The following HNRNPL variants were observed in gnomAD, a reference collection of about 807,000 sequenced individuals.
HNRNPL encodes heterogeneous nuclear ribonucleoprotein L.
In HNRNPL, 12 loss-of-function variants were observed where a neutral mutation model predicts 64.0. The observed-to-expected ratio is 0.19, with a 90% confidence interval of 0.12 to 0.30. The LOEUF (loss-of-function observed/expected upper bound fraction) is 0.30, where lower values mean the gene tolerates loss of function less well. Among genes scored for constraint, HNRNPL ranks in the 10% least tolerant of loss-of-function variants. HNRNPL has a pLI of 1.00. For missense variants in HNRNPL, 484 were observed against 797.4 expected (o/e 0.61, Z 4.73); for synonymous variants, 385 against 313.0 (o/e 1.23, Z -2.43).
At chr19:38,837,304 C>T (rs759391418) in intron 12 of HNRNPL, 80 bp downstream of exon 12, 2 of 1,095,946 alleles carry the variant, frequency 1.8e-6, no homozygotes, top group Non-Finnish European at 2.8e-6. Flanking sequence ...ATCTCAAGGG[C>T]AGGAAGGACA....
chr19:38,839,482 G>GAGA, intron 8 of HNRNPL: 1 of 174,726 alleles, frequency 5.7e-6, no homozygotes, highest in Non-Finnish European at 1.2e-5. Flanking sequence ...TTTAAGCCCC[G>GAGA]TCCTCCACTT....
At chr19:38,844,775 A>C (rs1972234100) in intron 4 of HNRNPL, 1 of 149,682 alleles carries the variant, frequency 6.7e-6, no homozygotes, top group South Asian at 2.1e-4. Flanking sequence ...ACAGTGGCAC[A>C]GTCTCGGCTC....
At chr19:38,839,729 C>T in intron 8 of HNRNPL, 2 of 244,586 alleles carry the variant, frequency 8.2e-6, no homozygotes, top group Non-Finnish European at 1.6e-5. Context: ...AGTCAACTGT[C>T]CCATGGGAAG....
chr19:38,843,637 C>T (rs1972187066), intron 6 of HNRNPL: 8 of 585,762 alleles, frequency 1.4e-5, no homozygotes, highest in South Asian at 8.2e-5. Context: ...TGAGCAGCAT[C>T]GGAGGGCCCC....
At chr19:38,842,866 A>ACATAAATAGAACATAGC (rs1972161884) in intron 6 of HNRNPL, among the ~76,000 whole-genome samples, 1 of 152,138 alleles carries the variant, frequency 6.6e-6, no homozygotes, top group East Asian at 1.9e-4. Flanking sequence ...TTGGAGAAGA[A>ACATAAATAGAACATAGC]ATGGTTGTTG....
chr19:38,849,607 C>T (rs1972432520), intron 1 of HNRNPL, 93 bp downstream of exon 1: 7 of 1,282,866 alleles, frequency 5.5e-6, no homozygotes, highest in East Asian at 6.1e-5. Context: ...TGGGCGCGTG[C>T]GCAGAGGCCC....
Position 38,848,974 on chromosome 19 carries a change from C to T in HNRNPL, c.267+726G>A, listed in dbSNP as rs536597484. Among the ~76,000 whole-genome samples the T allele has an allele frequency of 5.3e-5, 8 of 152,278 alleles. No individual in the cohort carries two copies. In the South Asian group the frequency reaches 1.5e-3, roughly 28 times the overall value. On this transcript the variant is annotated intron_variant, in intron 1 of 12. Coordinates refer to ENST00000221419, the MANE Select transcript of HNRNPL (RefSeq NM_001533.3). ...CTGGGCCCCACTCCAAAAGCAACGA[C>T]TGGTGTTTTCGGAGGGACTGATTAC...
At chr19:38,847,536 G>C in intron 1 of HNRNPL, 102 bp from the exon 2 acceptor site, 1 of 601,336 alleles carries the variant, frequency 1.7e-6, no homozygotes, top group Non-Finnish European at 2.7e-6. Context: ...AACAGTTGGA[G>C]GTCATCCGTG....
At chr19:38,839,968 GCTCA>G (rs1183077422) in intron 8 of HNRNPL, 124 bp downstream of exon 8, 32 of 801,892 alleles carry the variant, frequency 4.0e-5, no homozygotes, top group Non-Finnish European at 6.5e-5. Flanking sequence ...GGCTGCCTGA[GCTCA>G]CTGAGTCACT....
chr19:38,840,653 T>A, intron 6 of HNRNPL, 94 bp from the exon 7 acceptor site: 1 of 1,021,300 alleles, frequency 9.8e-7, no homozygotes, highest in Non-Finnish European at 1.5e-6. Context: ...CCCCAGCTCC[T>A]GCCAACTGCA....
At position 38,847,453 on chromosome 19, in the gene HNRNPL, A is replaced by C. The variant is rs1972336732; in HGVS notation, c.268-19T>G. 2 of 1,430,280 alleles carry C rather than the reference A, an allele frequency of 1.4e-6. No individual in the cohort carries two copies. Among genetic ancestry groups the C allele is most frequent in the African/African-American group, 2.9e-5 (2 of 68,712 alleles). 88.6% of individuals were successfully genotyped at this position (1,430,280 alleles called of 1,614,324 possible). A position where few individuals can be genotyped will look rare whatever the true frequency, so the allele number is the denominator to read the frequency against. ...AGTTCTCCTGAGAAAGGAAGCAAAA[A>C]CAAGAATTATTTTCTTGCTGTACAA... On this transcript the variant is annotated intron_variant, in intron 1 of 12. Transcript: ENST00000221419.
chr19:38,849,432 C>G (rs1948592543), intron 1 of HNRNPL: 1 of 388,684 alleles, frequency 2.6e-6, no homozygotes, highest in Non-Finnish European at 4.4e-6. Context: ...CACACGCCAG[C>G]CCGCGGCGCC....
Position 38,837,472 on chromosome 19 carries a change from G to A in HNRNPL, c.1623C>T (p.Arg541=), listed in dbSNP as rs1382339801. The A allele has an allele frequency of 3.1e-6, 5 of 1,614,116 alleles. No homozygotes were observed. In the Admixed American group the frequency reaches 6.7e-5, roughly 22 times the overall value. Residue 541 remains arginine, a synonymous_variant, in exon 12 of 13, where the codon CGC becomes CGT. Transcript: ENST00000221419. ...CCCACTCCAGCAGTCCAGAGGAGCT[G>A]CGCTCACCTGATTGCAAACCAAGGG... ...SVKVFSGKSE[R]SSSGLLEWES...
chr19:38,844,115 T>A lies in HNRNPL; in HGVS notation c.711-11A>T. 6.3e-7 allele frequency: 1 copy of A among 1,579,814 alleles called. No individual in the cohort carries two copies. Among genetic ancestry groups the A allele is most frequent in the Non-Finnish European group, 8.7e-7 (1 of 1,148,718 alleles). On this transcript the variant is annotated splice_polypyrimidine_tract_variant and intron_variant, in intron 4 of 12. Transcript: ENST00000221419. ...TGAACTGAGTCAAATGTGAGTCAAG[T>A]TAAGGAAAGTCCCATCACAGGAGAT...
intron 6 of HNRNPL, 159 bp from the exon 7 acceptor site, chr19:38,840,718 G>A (rs373422201): frequency 3.1e-5 from 20 of 652,336 alleles, no homozygotes; most frequent in East Asian, 1.4e-4. Context: ...GACCTACGGC[G>A]GGCATGAAGC....
At chr19:38,851,317 G>T (rs367934406), upstream of HNRNPL, among the ~76,000 whole-genome samples, 4 of 152,262 alleles carry the variant, frequency 2.6e-5, no homozygotes, top group Admixed American at 6.5e-5. Flanking sequence ...CGGAGCCTGG[G>T]GGGTGGAGAG....
At chr19:38,852,054 C>T (rs1478405800), upstream of HNRNPL, among the ~76,000 whole-genome samples, 8 of 150,912 alleles carry the variant, frequency 5.3e-5, no homozygotes, top group African/African-American at 1.9e-4. Flanking sequence ...CCCTCCCCTC[C>T]CCGCCCCCGC....
chr19:38,837,219 G>T, intron 12 of HNRNPL, 165 bp downstream of exon 12: 2 of 625,598 alleles, frequency 3.2e-6, no homozygotes, highest in Non-Finnish European at 5.7e-6. Context: ...TCTCCCAAGA[G>T]GAGCACAGGC....
intron 2 of HNRNPL, 141 bp downstream of exon 2, chr19:38,847,175 G>A: frequency 2.0e-6 from 1 of 503,926 alleles, no homozygotes; most frequent in South Asian, 4.2e-5. Flanking sequence ...AAAGTACAAT[G>A]GCCAACCCAA....
Sources: allele counts gnomAD v4.1 joint callset (sites outside exome capture counted in the v4.1 genomes callset), GRCh38; gene constraint gnomAD v4.1.1; transcripts MANE v1.5; gene names NCBI Gene and HGNC (gene_info 2026-07-23, HGNC 2026-07-21).